SPATA16: variants seen among roughly 807,000 people sequenced by gnomAD.
SPATA16 encodes spermatogenesis-associated protein 16.
A neutral mutation model predicts 63.3 loss-of-function variants in SPATA16; 36 were observed. The observed-to-expected ratio is 0.57, with a 90% CI of 0.44 to 0.75. SPATA16 has a LOEUF of 0.75. Among genes scored for constraint, SPATA16 ranks in the 30% least tolerant of loss-of-function variants. The pLI, the probability that SPATA16 is intolerant of heterozygous loss-of-function variation, is 0.00. For synonymous variants in SPATA16, 203 were observed against 216.7 expected (o/e 0.94, Z 0.56); for missense variants, 646 against 679.3 (o/e 0.95, Z 0.54).
At chr3:173,096,533 A>T (rs1376468068) in intron 2 of SPATA16, among the ~76,000 whole-genome samples, 1 of 152,132 alleles carries the variant, frequency 6.6e-6, no homozygotes, top group African/African-American at 2.4e-5. Context: ...GATTGTCTAA[A>T]CCTATTATTT....
intron 2 of SPATA16, among the ~76,000 whole-genome samples, chr3:173,054,757 A>C (rs982236189): frequency 6.6e-6 from 1 of 152,160 alleles, no homozygotes; most frequent in Non-Finnish European, 1.5e-5. Context: ...TTTTTTAAGA[A>C]TAAAGAAAAG....
intron 2 of SPATA16, among the ~76,000 whole-genome samples, chr3:173,090,214 G>T (rs1285439236): frequency 2.0e-5 from 3 of 152,088 alleles, no homozygotes; most frequent in Non-Finnish European, 4.4e-5. Context: ...TCATGATAGT[G>T]AGTGGCTTGT....
intron 4 of SPATA16, among the ~76,000 whole-genome samples, chr3:173,016,114 T>C (rs1286222583): frequency 1.3e-5 from 2 of 152,234 alleles, no homozygotes; most frequent in East Asian, 3.8e-4. Flanking sequence ...ATTTAACCAG[T>C]GCCAGCCATC....
intron 5 of SPATA16, among the ~76,000 whole-genome samples, chr3:172,958,427 G>A (rs1250426111): frequency 6.6e-6 from 1 of 152,180 alleles, no homozygotes; most frequent in Non-Finnish European, 1.5e-5. Context: ...TGTGTTCACT[G>A]CTGGAACTGA....
At chr3:173,128,438 G>A (rs534847010) in intron 1 of SPATA16, among the ~76,000 whole-genome samples, 59 of 152,250 alleles carry the variant, frequency 3.9e-4, no homozygotes, top group Admixed American at 7.2e-4. Context: ...TAGTTTAGTG[G>A]GAGATACTAC....
chr3:172,930,288 C>T (rs1022036988), intron 6 of SPATA16, among the ~76,000 whole-genome samples: 3 of 152,208 alleles, frequency 2.0e-5, no homozygotes, highest in African/African-American at 7.2e-5. Flanking sequence ...AGGCTCTCAG[C>T]AGTGTGCATC....
chr3:173,087,317 G>A (rs1274233557), intron 2 of SPATA16, among the ~76,000 whole-genome samples: 1 of 152,154 alleles, frequency 6.6e-6, no homozygotes, highest in Non-Finnish European at 1.5e-5. Context: ...TTGGTTTGAA[G>A]TCTATTTCAT....
chr3:172,972,052 T>G (rs1167323639), intron 5 of SPATA16, among the ~76,000 whole-genome samples: 1 of 152,162 alleles, frequency 6.6e-6, no homozygotes, highest in Non-Finnish European at 1.5e-5. Flanking sequence ...CCCAGTTTTG[T>G]CCCTTGAGAG....
At chr3:172,945,215 T>A (rs1733252177) in intron 6 of SPATA16, among the ~76,000 whole-genome samples, 1 of 152,214 alleles carries the variant, frequency 6.6e-6, no homozygotes, top group Admixed American at 6.5e-5. Flanking sequence ...TAAAAGCTTC[T>A]GATTCTTGTA....
chr3:173,055,192 G>A (rs1736192343), intron 2 of SPATA16, among the ~76,000 whole-genome samples: 1 of 152,102 alleles, frequency 6.6e-6, no homozygotes, highest in Non-Finnish European at 1.5e-5. Context: ...AAAATGGATT[G>A]CTCCATCCTA....
At chr3:172,893,619 A>C (rs1731939258) in intron 10 of SPATA16, among the ~76,000 whole-genome samples, 1 of 152,242 alleles carries the variant, frequency 6.6e-6, no homozygotes, top group African/African-American at 2.4e-5. Context: ...AGAGCAATTA[A>C]GTTATAATTT....
At chr3:172,925,575 T>G in intron 6 of SPATA16, 83 bp from the exon 7 acceptor site, 1 of 1,553,692 alleles carries the variant, frequency 6.4e-7, no homozygotes. Context: ...TTTCAGGAAT[T>G]GTACTTGGAA....
intron 2 of SPATA16, among the ~76,000 whole-genome samples, chr3:173,069,759 T>C (rs6801436): frequency 0.19 from 28,380 of 152,112 alleles, 3,026 homozygotes; most frequent in African/African-American, 0.29. Context: ...AAACCAAATT[T>C]AACAACACAT....
chr3:173,088,959 A>T (rs1169928688), intron 2 of SPATA16, among the ~76,000 whole-genome samples: 1 of 152,182 alleles, frequency 6.6e-6, no homozygotes, highest in East Asian at 1.9e-4. Context: ...ATTCAGGTTA[A>T]ACATTTCTCC....
In SPATA16 at chr3:173,139,222, A is replaced by G. The variant is rs1738633614; in HGVS notation, c.-19+1881T>C. On this transcript the variant is annotated intron_variant, in intron 1 of 10. Transcript: ENST00000351008. Reference sequence around the variant, plus strand: ...GTTATTGCTGTTATTATTGTTCAGCAATTTTTTTAAAAATTAGACAATTAG... The same window carrying G: ...GTTATTGCTGTTATTATTGTTCAGCGATTTTTTTAAAAATTAGACAATTAG... Among the ~76,000 whole-genome samples, 3 of 152,234 alleles carry G rather than the reference A, an allele frequency of 2.0e-5. No homozygotes were observed. In the South Asian group the frequency reaches 6.2e-4, roughly 32 times the overall value.
chr3:172,957,399 A>G (rs1386493845), intron 5 of SPATA16, among the ~76,000 whole-genome samples: 1 of 152,108 alleles, frequency 6.6e-6, no homozygotes, highest in Non-Finnish European at 1.5e-5. Flanking sequence ...GGCTTTGGCT[A>G]TTTAAGAATT....
At chr3:173,134,354 G>A (rs535792001) in intron 1 of SPATA16, among the ~76,000 whole-genome samples, 1 of 152,004 alleles carries the variant, frequency 6.6e-6, no homozygotes, top group African/African-American at 2.4e-5. Context: ...GTGAGTGAGG[G>A]AGTAAATTCT....
chr3:172,907,553 A>T (rs1732269864), intron 10 of SPATA16, among the ~76,000 whole-genome samples: 1 of 149,762 alleles, frequency 6.7e-6, no homozygotes, highest in Non-Finnish European at 1.5e-5. Context: ...ATGTTGGCAC[A>T]CTCCAATCTC....
At chr3:172,899,239 A>G (rs1022382646) in intron 10 of SPATA16, among the ~76,000 whole-genome samples, 2 of 151,996 alleles carry the variant, frequency 1.3e-5, no homozygotes, top group African/African-American at 2.4e-5. Context: ...GAAATCTCCA[A>G]CTATAACTGT....
Sources: allele counts gnomAD v4.1 joint callset (sites outside exome capture counted in the v4.1 genomes callset), GRCh38; gene constraint gnomAD v4.1.1; transcripts MANE v1.5; gene names NCBI Gene and HGNC (gene_info 2026-07-23, HGNC 2026-07-21).